RARA: variants seen among roughly 807,000 people sequenced by gnomAD.
The protein encoded by RARA is PML-DDX5-RARA fusion.
In RARA, 5 loss-of-function variants were observed where a neutral mutation model predicts 42.8. The observed-to-expected ratio is 0.12, with a 90% CI of 0.06 to 0.25. The LOEUF is 0.25. Ranked by LOEUF, RARA falls within the 10% of genes least tolerant of loss-of-function variation. The probability of loss-of-function intolerance (pLI) is 1.00; values close to 1 mark genes in which losing one functional copy is unlikely to be tolerated. For missense variants in RARA, 402 were observed against 628.7 expected, an observed-to-expected ratio of 0.64 and a Z score of 3.86; for synonymous variants, 256 against 259.5, an observed-to-expected ratio of 0.99 and a Z score of 0.13.
At position 40,329,081 on chromosome 17, in the gene RARA, T is replaced by C. The variant is rs886974728; in HGVS notation, c.-362-1776T>C. On this transcript the variant is annotated intron_variant, in intron 1 of 8. Transcript: ENST00000254066. ...CCACATCCTCGCCAGTACTTGTTAT[T>C]ATCTGTCTTTCTTATTAGAGCTAGC... Among the ~76,000 whole-genome samples, 9 of 152,156 alleles carry C rather than the reference T, an allele frequency of 5.9e-5. 1 individual carries two copies. The highest frequency in any genetic ancestry group is 1.3e-4 in the Admixed American group (2 of 15,284).
At position 40,356,309 on chromosome 17, in the gene RARA, G is replaced by A. The variant is rs1178182679; in HGVS notation, c.*83G>A. ...CTACCGACCATGTGACCCCGCACCA[G>A]CCCTGCCCCCACCTGCCCTCCCGGG... On this transcript the variant is annotated 3_prime_UTR_variant, in exon 9 of 9. Transcript: ENST00000254066. 7.1e-7 allele frequency: 1 copy of A among 1,415,852 alleles called. No individual in the cohort carries two copies. Among genetic ancestry groups the A allele is most frequent in the African/African-American group, 1.4e-5 (1 of 70,738 alleles). The allele number at this position is 1,415,852 out of a possible 1,614,324, so 87.7% of individuals were successfully genotyped here.
chr17:40,347,482 G>C (rs2143450283), intron 2 of RARA, among the ~76,000 whole-genome samples: 1 of 152,302 alleles, frequency 6.6e-6, no homozygotes, highest in Non-Finnish European at 1.5e-5. Context: ...GGCTGCCCCT[G>C]CTGTCTGGGT....
intron 1 of RARA, among the ~76,000 whole-genome samples, chr17:40,318,675 C>G (rs1485579158): frequency 6.6e-6 from 1 of 152,270 alleles, no homozygotes; most frequent in Non-Finnish European, 1.5e-5. Context: ...CTTGAGGCGT[C>G]TGGGGCCGTC....
chr17:40,341,574 C>T, intron 2 of RARA: 1 of 1,367,016 alleles, frequency 7.3e-7, no homozygotes, highest in Non-Finnish European at 9.4e-7. Flanking sequence ...GGCGGGCGAG[C>T]CCCGCGGGCG....
At chr17:40,346,759 C>T (rs930446457) in intron 2 of RARA, among the ~76,000 whole-genome samples, 9 of 151,414 alleles carry the variant, frequency 5.9e-5, no homozygotes, top group Non-Finnish European at 8.8e-5. Flanking sequence ...GAAGAGCAGA[C>T]GGCGGTGGGG....
At chr17:40,322,165 GA>G (rs1598538318) in intron 1 of RARA, among the ~76,000 whole-genome samples, 2 of 152,204 alleles carry the variant, frequency 1.3e-5, no homozygotes, top group East Asian at 3.9e-4. Context: ...CAGAGAAGGG[GA>G]GGGGGGTGGA....
At chr17:40,349,369 C>T (rs936910903) in intron 3 of RARA, 1 of 193,950 alleles carries the variant, frequency 5.2e-6, no homozygotes, top group Non-Finnish European at 1.1e-5. Context: ...CTCTGGCCAG[C>T]CCGTGTATCT....
chr17:40,345,389 C>T lies in RARA; in HGVS notation c.179-2927C>T, dbSNP rs930111212. 2 of 152,502 alleles carry T rather than the reference C, an allele frequency of 1.3e-5. No homozygotes were observed. The highest frequency in any genetic ancestry group is 4.8e-5 in the African/African-American group (2 of 41,478). The allele number at this position is 152,502 out of a possible 1,614,324, so 9.4% of individuals were successfully genotyped here. On this transcript the variant is annotated intron_variant, in intron 2 of 8. Transcript: ENST00000254066. This position sits in a 1 kb window ranked among gnomAD's most constrained non-coding sequence, Gnocchi z 4.8. ...AGGGGAGCTGCGGAGGAGCGGGCGC[C>T]AGCTGGATTGGGAGGGGAGCCGCTG...
intron 2 of RARA, among the ~76,000 whole-genome samples, chr17:40,338,706 C>CAAAAA (rs34668171): frequency 1.9e-5 from 1 of 52,414 alleles, no homozygotes; most frequent in African/African-American, 6.7e-5. Flanking sequence ...GACTTGGACT[C>CAAAAA]AAAAAAAAAA....
rs927339170 is a variant in RARA, at chr17:40,357,079, G to T, written c.*853G>T. The T allele has an allele frequency of 1.2e-5, 4 of 333,702 alleles. No individual in the cohort carries two copies. The highest frequency in any genetic ancestry group is 4.3e-5 in the African/African-American group (2 of 46,352). The allele number at this position is 333,702 out of a possible 1,614,324, so 20.7% of individuals were successfully genotyped here. On this transcript the variant is annotated 3_prime_UTR_variant, in exon 9 of 9. Transcript: ENST00000254066. ...GGTGTGGACGGTGTGGGGCAGCCCT[G>T]AAAGGACAGGCTCCTGGCCTTGGCA...
At chr17:40,309,457 C>T (rs1159337421) in intron 1 of RARA, among the ~76,000 whole-genome samples, 171 bp downstream of exon 1, 1 of 152,206 alleles carries the variant, frequency 6.6e-6, no homozygotes, top group Non-Finnish European at 1.5e-5. Context: ...TGTCTGAAAG[C>T]TCAGAGCCCT....
Position 40,354,198 on chromosome 17 carries a change from A to G in RARA, c.808-104A>G. Reference sequence around the variant, plus strand: ...TCTATCAGACAGCATTGCTCCGGCCACCTGCCAGGTGGTCCTCCGGGAGTG... The same window carrying G: ...TCTATCAGACAGCATTGCTCCGGCCGCCTGCCAGGTGGTCCTCCGGGAGTG... On this transcript the variant is annotated intron_variant, in intron 6 of 8. Transcript: ENST00000254066. The surrounding 1 kb of genome is among the most constrained non-coding windows in gnomAD (Gnocchi z 4.5). 3 of 1,095,528 alleles carry G rather than the reference A, an allele frequency of 2.7e-6. No individual in the cohort carries two copies. Among genetic ancestry groups the G allele is most frequent in the Non-Finnish European group, 4.0e-6 (3 of 746,218 alleles). 67.9% of individuals were successfully genotyped at this position (1,095,528 alleles called of 1,614,324 possible). A position where few individuals can be genotyped will look rare whatever the true frequency, so the allele number is the denominator to read the frequency against.
In RARA at chr17:40,351,600, C is replaced by A. The variant is rs1278908635; in HGVS notation, c.470-310C>A. The A allele has an allele frequency of 1.0e-5, 5 of 487,016 alleles. No individual in the cohort carries two copies. The highest frequency in any genetic ancestry group is 2.0e-5 in the African/African-American group (1 of 51,090). 30.2% of individuals were successfully genotyped at this position (487,016 alleles called of 1,614,324 possible). A position where few individuals can be genotyped will look rare whatever the true frequency, so the allele number is the denominator to read the frequency against. On this transcript the variant is annotated intron_variant, in intron 4 of 8. Coordinates refer to ENST00000254066, the MANE Select transcript of RARA (RefSeq NM_000964.4). The surrounding 1 kb of genome is among the most constrained non-coding windows in gnomAD (Gnocchi z 4.1). The stretch of plus-strand genomic sequence containing the variant: ...CAGAGCACCTAGGAGGGCACCGTCG[C>A]CTGGAGTGTGAGCTGGAGTAGACGC...
At chr17:40,334,951 C>A (rs1041928076) in intron 2 of RARA, among the ~76,000 whole-genome samples, 1 of 152,088 alleles carries the variant, frequency 6.6e-6, no homozygotes, top group African/African-American at 2.4e-5. Context: ...GATGGTCCGG[C>A]GATTCTCCCC....
At chr17:40,327,641 G>C (rs1385498103) in intron 1 of RARA, among the ~76,000 whole-genome samples, 1 of 152,174 alleles carries the variant, frequency 6.6e-6, no homozygotes, top group African/African-American at 2.4e-5. Context: ...GTGGAGAGAT[G>C]GTATCTCCAG....
intron 2 of RARA, chr17:40,341,214 C>A: frequency 1.3e-6 from 1 of 798,752 alleles, no homozygotes; most frequent in Non-Finnish European, 1.8e-6. Flanking sequence ...CCTTTTATCT[C>A]TCCAGAGCTG....
chr17:40,311,955 GC>G (rs1193355314), intron 1 of RARA, among the ~76,000 whole-genome samples: 1 of 152,234 alleles, frequency 6.6e-6, no homozygotes, highest in East Asian at 1.9e-4. Flanking sequence ...CTTTACAGAA[GC>G]CTACATCTCC....
chr17:40,351,322 G>A lies in RARA; in HGVS notation c.470-588G>A. 4.0e-6 allele frequency: 1 copy of A among 251,774 alleles called. No individual in the cohort carries two copies. The highest frequency in any genetic ancestry group is 8.9e-6 in the Non-Finnish European group (1 of 112,898). The allele number at this position is 251,774 out of a possible 1,614,324, so 15.6% of individuals were successfully genotyped here. A position where few individuals can be genotyped will look rare whatever the true frequency, so the allele number is the denominator to read the frequency against. ...TGATTGTGTGTCTGGATAATCGGCT[G>A]GTAACGACCCCATCGCTTCTTTAAA... On this transcript the variant is annotated intron_variant, in intron 4 of 8. Transcript: ENST00000254066. This position sits in a 1 kb window ranked among gnomAD's most constrained non-coding sequence, Gnocchi z 4.1.
chr17:40,342,870 AC>A, intron 2 of RARA: 1 of 1,610,176 alleles, frequency 6.2e-7, no homozygotes, highest in Non-Finnish European at 8.5e-7. Flanking sequence ...AAACCACTGT[AC>A]GTACCGGCCT....
Sources: allele counts gnomAD v4.1 joint callset (sites outside exome capture counted in the v4.1 genomes callset), GRCh38; gene constraint gnomAD v4.1.1; non-coding constraint Gnocchi (gnomAD v3.1); transcripts MANE v1.5; gene names NCBI Gene and HGNC (gene_info 2026-07-23, HGNC 2026-07-21).